ARHGAP22: variants seen among roughly 807,000 people sequenced by gnomAD.
ARHGAP22 encodes Rho GTPase activating protein 22.
In ARHGAP22, 48 loss-of-function variants were observed where a neutral mutation model predicts 59.1. The ratio of observed to expected loss-of-function variants is 0.81; its 90% CI spans 0.64 to 1.03. ARHGAP22 has a LOEUF of 1.03. ARHGAP22 is among the 50% of genes least tolerant of loss of function. ARHGAP22 has a pLI of 0.00. For missense variants in ARHGAP22, 1,015 were observed against 958.7 expected, an observed-to-expected ratio of 1.06 and a Z score of -0.78; for synonymous variants, 445 against 416.4, an observed-to-expected ratio of 1.07 and a Z score of -0.84.
chr10:48,446,031 C>T (rs1460676192), downstream of ARHGAP22: 1 of 307,708 alleles, frequency 3.2e-6, no homozygotes, highest in Non-Finnish European at 6.0e-6. Context: ...GGTAACAAGG[C>T]ACCATGCTTT....
intron 8 of ARHGAP22, chr10:48,451,665 A>G (rs1422660960): frequency 3.2e-6 from 2 of 619,820 alleles, no homozygotes; most frequent in Non-Finnish European, 2.9e-6. Context: ...CACCCCCTAA[A>G]ATACCCCCCA....
At chr10:48,546,893 T>C (rs1029437995) in intron 3 of ARHGAP22, among the ~76,000 whole-genome samples, 1 of 152,112 alleles carries the variant, frequency 6.6e-6, no homozygotes, top group Admixed American at 6.5e-5. Context: ...GGATCTGGGT[T>C]CTCAGTGAAT....
At chr10:48,468,527 T>C (rs1017926927) in intron 4 of ARHGAP22, among the ~76,000 whole-genome samples, 3 of 152,164 alleles carry the variant, frequency 2.0e-5, no homozygotes, top group African/African-American at 7.2e-5. Flanking sequence ...AAGAAACCAG[T>C]CCTGCTGACA....
At chr10:48,591,741 G>C (rs1027806307) in intron 1 of ARHGAP22, among the ~76,000 whole-genome samples, 3 of 152,164 alleles carry the variant, frequency 2.0e-5, no homozygotes, top group African/African-American at 7.2e-5. Context: ...GGGCATGGTG[G>C]TGTGCCCCTG....
chr10:48,651,615 C>T (rs1235077987), intron 1 of ARHGAP22, among the ~76,000 whole-genome samples: 2 of 152,076 alleles, frequency 1.3e-5, no homozygotes, highest in Middle Eastern at 3.4e-3. Context: ...ACAGCCCACC[C>T]AACCATCACC....
rs146444389 is a variant in ARHGAP22 at position 48,604,371 on chromosome 10, C to T, written c.34+392G>A. 2.8e-4 allele frequency among the ~76,000 whole-genome samples: 42 copies of T among 152,370 alleles called. No homozygotes were observed. In the East Asian group the frequency reaches 5.4e-3, roughly 20 times the overall value. On this transcript the variant is annotated intron_variant, in intron 1 of 9. Coordinates refer to ENST00000249601, the MANE Select transcript of ARHGAP22 (RefSeq NM_021226.4). ...CTGTCTCTAGAAGCCAGGGCATGGCCTTCCCTGGTAAGGGGTGCTTCTGTG... is the reference window on the plus strand; with the variant it reads ...CTGTCTCTAGAAGCCAGGGCATGGCTTTCCCTGGTAAGGGGTGCTTCTGTG...
Position 48,559,244 on chromosome 10 carries a change from G to A in ARHGAP22, c.235-3694C>T, listed in dbSNP as rs983614200. On this transcript the variant is annotated intron_variant, in intron 2 of 9. Transcript: ENST00000249601. ...CGGCAGTTTGCAGACGGGCACCTAG[G>A]TACAGAAAGAGTGTGCAAACTCCAG... Among the ~76,000 whole-genome samples, 3 of 152,180 alleles carry A rather than the reference G, an allele frequency of 2.0e-5. No homozygotes were observed. The South Asian group carries it at 6.2e-4, about 32-fold the overall frequency.
intron 1 of ARHGAP22, chr10:48,652,164 C>T (rs1269624503): frequency 9.1e-6 from 13 of 1,427,680 alleles, no homozygotes; most frequent in Non-Finnish European, 1.0e-5. Flanking sequence ...CTCCGGGGAC[C>T]CCATCCCTCA....
intron 3 of ARHGAP22, among the ~76,000 whole-genome samples, chr10:48,537,311 G>A (rs1307809809): frequency 2.6e-5 from 4 of 152,172 alleles, no homozygotes; most frequent in African/African-American, 9.7e-5. Flanking sequence ...TGCCAGACAT[G>A]GAAGACTGTG....
chr10:48,434,622 T>A, the ARHGAP22 span, among the ~76,000 whole-genome samples: 2 of 152,196 alleles, frequency 1.3e-5, no homozygotes, highest in African/African-American at 4.8e-5. Flanking sequence ...GGTTCAGATG[T>A]AAAATTCTTG....
At chr10:48,516,827 T>C (rs975417572) in intron 3 of ARHGAP22, among the ~76,000 whole-genome samples, 35 of 151,984 alleles carry the variant, frequency 2.3e-4, no homozygotes, top group African/African-American at 8.2e-4. Flanking sequence ...TAAATACAGA[T>C]AAAAAATCCT....
intron 1 of ARHGAP22, chr10:48,624,578 A>C (rs552720459): frequency 6.6e-6 from 1 of 152,294 alleles, no homozygotes; most frequent in African/African-American, 2.4e-5. Flanking sequence ...TTTGCACCCC[A>C]TCCAGCCCAA....
At chr10:48,509,057 C>T (rs1342119611) in intron 3 of ARHGAP22, among the ~76,000 whole-genome samples, 1 of 152,248 alleles carries the variant, frequency 6.6e-6, no homozygotes, top group Non-Finnish European at 1.5e-5. Flanking sequence ...AGGCTTTATT[C>T]TCCTGGGTTC....
chr10:48,623,378 ACTGT>A (rs2061347212), intron 1 of ARHGAP22, among the ~76,000 whole-genome samples: 1 of 152,196 alleles, frequency 6.6e-6, no homozygotes, highest in African/African-American at 2.4e-5. Flanking sequence ...TAGCTTTCTT[ACTGT>A]CTTTGTCGAG....
chr10:48,532,892 CCAGGCACTGT>C (rs1289694749), intron 3 of ARHGAP22: 20 of 152,282 alleles, frequency 1.3e-4, no homozygotes, highest in African/African-American at 4.1e-4. Context: ...CTACTTTGCG[CCAGGCACTGT>C]AAGGTGAGTT....
In ARHGAP22 at chr10:48,604,884, A is replaced by G; in HGVS notation, c.-88T>C. 6.2e-7 allele frequency: 1 copy of G among 1,604,596 alleles called. No homozygotes were observed. Among genetic ancestry groups the G allele is most frequent in the African/African-American group, 1.3e-5 (1 of 74,712 alleles). Reference sequence around the variant, plus strand: ...TCGTCCTCGCGCCTAGTCGCCCCTCATGTCCTGCTCGTTCGGGGCCCCGTG... The same window carrying G: ...TCGTCCTCGCGCCTAGTCGCCCCTCGTGTCCTGCTCGTTCGGGGCCCCGTG... On this transcript the variant is annotated 5_prime_UTR_variant, in exon 1 of 10. An upstream start codon of the reference 5' UTR is lost. Transcript: ENST00000249601.
intron 2 of ARHGAP22, among the ~76,000 whole-genome samples, chr10:48,569,950 C>CA (rs2058293449): frequency 6.6e-6 from 1 of 152,178 alleles, no homozygotes; most frequent in Admixed American, 6.5e-5. Flanking sequence ...CTGATGCTGT[C>CA]ATTTCAGGGG....
chr10:48,635,459 C>T (rs867204545), intron 1 of ARHGAP22, among the ~76,000 whole-genome samples: 29 of 152,354 alleles, frequency 1.9e-4, no homozygotes, highest in African/African-American at 6.0e-4. Flanking sequence ...GATGGCTTCC[C>T]GCTCCAGGCT....
At chr10:48,637,879 C>A (rs952303546) in intron 1 of ARHGAP22, among the ~76,000 whole-genome samples, 5 of 152,220 alleles carry the variant, frequency 3.3e-5, no homozygotes, top group African/African-American at 9.6e-5. Context: ...AGTAGGCTGG[C>A]ATCAACTTAC....
Sources: gnomAD v4.1 joint callset for allele counts (sites outside exome capture counted in the v4.1 genomes callset) on GRCh38, gnomAD v4.1.1 for gene constraint, MANE v1.5 for transcripts, NCBI Gene and HGNC (gene_info 2026-07-23, HGNC 2026-07-21) for gene names.